Variants in PRH1 observed in about 807,000 individuals in gnomAD.
PRH1 encodes salivary acidic proline-rich phosphoprotein 1/2.
PRH1 carries 7 observed loss-of-function variants against 7.9 expected under a neutral mutation model. The observed-to-expected ratio is 0.89, with a 90% confidence interval of 0.50 to 1.67. The LOEUF (loss-of-function observed/expected upper bound fraction) is 1.67, where lower values mean the gene tolerates loss of function less well. Among genes scored for constraint, PRH1 ranks in the 40% most tolerant of loss-of-function variants. PRH1 has a pLI of 0.00. For missense variants in PRH1, 109 were observed against 223.6 expected, an observed-to-expected ratio of 0.49 and a Z score of 3.27; for synonymous variants, 45 against 80.8, an observed-to-expected ratio of 0.56 and a Z score of 2.38.
At position 11,031,516 on chromosome 12, in the gene PRH1, G is replaced by C. The variant is rs1942217104; in HGVS notation, c.-126+15504C>G. On this transcript the variant is annotated intron_variant, in intron 1 of 3. Coordinates refer to the PRH1 transcript ENST00000539853. ...GAGCAACAGCAAGGTTTATTGAGAA[G>C]AGAGAAAGGACAAAGCTTCCACCGG... 7.8e-6 allele frequency: 5 copies of C among 637,194 alleles called. No homozygotes were observed. The East Asian group carries it at 1.6e-4, about 20-fold the overall frequency. 39.5% of individuals were successfully genotyped at this position (637,194 alleles called of 1,614,324 possible).
intron 1 of PRH1, among the ~76,000 whole-genome samples, chr12:11,041,155 A>AGT (rs146455475): frequency 0.22 from 33,394 of 149,520 alleles, 3,727 homozygotes; most frequent in Non-Finnish European, 0.24. Flanking sequence ...CAAAAGACAT[A>AGT]GTTTGGCTAA....
intron 2 of PRH1, among the ~76,000 whole-genome samples, chr12:10,924,276 G>A (rs1414521116): frequency 1.3e-5 from 2 of 152,042 alleles, no homozygotes; most frequent in Admixed American, 6.5e-5. Context: ...CGTGAGACAC[G>A]GAGCCCAGCC....
At chr12:11,134,124 T>C in intron 1 of PRH1, 2 of 1,614,112 alleles carry the variant, frequency 1.2e-6, no homozygotes, top group Non-Finnish European at 8.5e-7. Context: ...ACAAAGGAGA[T>C]CTTTTGTCTC....
rs1267473285 is a variant in PRH1 at position 11,075,577 on chromosome 12, GC to G, written n.124-28390del. On this transcript the variant is annotated intron_variant and non_coding_transcript_variant, in intron 1 of 4. Coordinates refer to the PRH1 transcript ENST00000541977. ...CAGCTGGCACTCACAGCTGAACCTGGCCCTGTGCAAATATACCAGAATCCTT... is the reference window on the plus strand; with the variant it reads ...CAGCTGGCACTCACAGCTGAACCTGGCCTGTGCAAATATACCAGAATCCTT... Among the ~76,000 whole-genome samples the G allele has an allele frequency of 1.8e-5, 2 of 113,936 alleles. 1 individual carries two copies. The highest frequency in any genetic ancestry group is 5.9e-5 in the African/African-American group (2 of 33,958). 74.7% of individuals were successfully genotyped at this position (113,936 alleles called of 152,430 possible).
At chr12:10,987,934 T>C (rs1392393296) in intron 1 of PRH1, among the ~76,000 whole-genome samples, 5 of 152,148 alleles carry the variant, frequency 3.3e-5, no homozygotes, top group Admixed American at 3.3e-4. Flanking sequence ...CTTTCTTTGA[T>C]GAACAGAAAA....
intron 1 of PRH1, among the ~76,000 whole-genome samples, chr12:11,004,035 C>A (rs1402428591): frequency 6.6e-6 from 1 of 150,668 alleles, no homozygotes; most frequent in Non-Finnish European, 1.5e-5. Context: ...AGTGCAAATC[C>A]TGGGTCTTAG....
chr12:11,021,812 T>C, intron 1 of PRH1: 1 of 1,614,274 alleles, frequency 6.2e-7, no homozygotes, highest in Middle Eastern at 1.6e-4. Context: ...CTCTGCTGTG[T>C]CCTAAGATTC....
intron 1 of PRH1, among the ~76,000 whole-genome samples, chr12:10,989,711 T>A (rs954144463): frequency 6.6e-6 from 1 of 152,228 alleles, no homozygotes; most frequent in African/African-American, 2.4e-5. Flanking sequence ...TTCAGCTTTA[T>A]ATTTTTAGTA....
At chr12:11,018,904 T>C (rs1198946596) in intron 1 of PRH1, among the ~76,000 whole-genome samples, 1 of 152,278 alleles carries the variant, frequency 6.6e-6, no homozygotes, top group Non-Finnish European at 1.5e-5. Context: ...CCGAAGGGAC[T>C]GTCTGGTGGG....
intron 2 of PRH1, chr12:10,930,408 A>T (rs1411779234): frequency 1.3e-6 from 2 of 1,507,978 alleles, no homozygotes; most frequent in Non-Finnish European, 1.8e-6. Flanking sequence ...ATTGGCTAAT[A>T]TCAGTGCCCC....
At chr12:11,000,918 A>C (rs903476307) in intron 1 of PRH1, among the ~76,000 whole-genome samples, 1 of 152,042 alleles carries the variant, frequency 6.6e-6, no homozygotes, top group African/African-American at 2.4e-5. Context: ...TCCTTCTATA[A>C]ATCATTATCT....
At chr12:11,132,103 GAATT>G (rs1789632246) in intron 1 of PRH1, among the ~76,000 whole-genome samples, 1 of 152,008 alleles carries the variant, frequency 6.6e-6, no homozygotes, top group African/African-American at 2.4e-5. Flanking sequence ...ATAACACCAA[GAATT>G]AATACAGTCA....
At position 11,072,213 on chromosome 12, in the gene PRH1, C is replaced by T. The variant is rs1252264389; in HGVS notation, n.124-25025G>A. 1.1e-4 allele frequency among the ~76,000 whole-genome samples: 16 copies of T among 152,270 alleles called. No homozygotes were observed. In the South Asian group the frequency reaches 3.1e-3, roughly 30 times the overall value. On this transcript the variant is annotated intron_variant and non_coding_transcript_variant, in intron 1 of 4. Coordinates refer to the PRH1 transcript ENST00000541977. ...TGTAGCCCAGGGTGGTCTGGAACTC[C>T]TGGCCTCAATAGATATTCCCAACTG...
chr12:11,047,549 G>A (rs1942950505), upstream of PRH1, among the ~76,000 whole-genome samples: 1 of 151,888 alleles, frequency 6.6e-6, no homozygotes, highest in South Asian at 2.1e-4. Context: ...TTCAAAAAGT[G>A]GAAGAAACAA....
intron 2 of PRH1, among the ~76,000 whole-genome samples, chr12:10,910,867 T>C (rs1949889234): frequency 6.6e-6 from 1 of 152,240 alleles, no homozygotes; most frequent in African/African-American, 2.4e-5. Context: ...ATTTTATTAC[T>C]CATGCAATCT....
At chr12:11,062,660 C>T (rs940711674) in intron 1 of PRH1, among the ~76,000 whole-genome samples, 1 of 152,032 alleles carries the variant, frequency 6.6e-6, no homozygotes, top group African/African-American at 2.4e-5. Flanking sequence ...GCAATTTTTC[C>T]TTGTGTAACC....
chr12:10,998,092 A>C (rs1176045020), intron 1 of PRH1, among the ~76,000 whole-genome samples: 2 of 152,222 alleles, frequency 1.3e-5, no homozygotes, highest in Non-Finnish European at 2.9e-5. Context: ...TGTTAGTCCC[A>C]AAACAACTCA....
chr12:11,168,164 C>A (rs760773257), intron 1 of PRH1, among the ~76,000 whole-genome samples: 1 of 143,438 alleles, frequency 7.0e-6, no homozygotes, highest in African/African-American at 2.6e-5. Flanking sequence ...ACAATGATGT[C>A]AAACTATATG....
chr12:11,140,608 CA>C (rs1946675597), intron 1 of PRH1, among the ~76,000 whole-genome samples: 1 of 152,112 alleles, frequency 6.6e-6, no homozygotes, highest in East Asian at 1.9e-4. Flanking sequence ...CAAAACAGCT[CA>C]AATTAACTCC....
Sources: gnomAD v4.1 joint callset for allele counts (sites outside exome capture counted in the v4.1 genomes callset) on GRCh38, gnomAD v4.1.1 for gene constraint, MANE v1.5 for transcripts, NCBI Gene and HGNC (gene_info 2026-07-23, HGNC 2026-07-21) for gene names.